The following MYO16 variants were observed in gnomAD, a reference collection of about 807,000 sequenced individuals.
The protein encoded by MYO16 is unconventional myosin-XVI.
In MYO16, 94 loss-of-function variants were observed where a neutral mutation model predicts 205.3. The observed-to-expected ratio is 0.46, with a 90% confidence interval of 0.39 to 0.54. The LOEUF is 0.54. MYO16 is among the 20% of genes least tolerant of loss of function. MYO16 has a pLI of 0.00. For missense variants in MYO16, 2,315 were observed against 2,387.5 expected (o/e 0.97, Z 0.63); for synonymous variants, 988 against 954.0 (o/e 1.04, Z -0.66).
In MYO16 at chr13:109,140,670, G is replaced by C; in HGVS notation, c.4458G>C (p.Pro1486=). The C allele has an allele frequency of 6.7e-6, 10 of 1,487,794 alleles. No individual in the cohort carries two copies. Among genetic ancestry groups the C allele is most frequent in the Non-Finnish European group, 8.9e-6 (10 of 1,122,766 alleles). 92.2% of individuals were successfully genotyped at this position (1,487,794 alleles called of 1,614,324 possible). The part of the protein sequence containing the change: ...GASPPLLHRA[P]EDEAAGPPGD... ...CGCCGCCCCTGCTCCACCGCGCGCCGGAGGACGAGGCGGCGGGGCCCCCAG... is the reference window on the plus strand; with the variant it reads ...CGCCGCCCCTGCTCCACCGCGCGCCCGAGGACGAGGCGGCGGGGCCCCCAG... Residue 1486 remains proline, a synonymous_variant, in exon 32 of 35, where the codon CCG becomes CCC. Coordinates refer to ENST00000457511, the MANE Select transcript of MYO16 (RefSeq NM_001198950.3). The surrounding 1 kb of genome is among the most constrained non-coding windows in gnomAD (Gnocchi z 8.0).
chr13:108,996,219 C>T (rs191135103), intron 21 of MYO16, among the ~76,000 whole-genome samples: 1 of 152,284 alleles, frequency 6.6e-6, no homozygotes, highest in Admixed American at 6.5e-5. Context: ...GTTCACATAG[C>T]TCAGCAGTAA....
At chr13:109,101,979 C>T (rs1888981350) in intron 28 of MYO16, 3 of 152,170 alleles carry the variant, frequency 2.0e-5, no homozygotes, top group South Asian at 2.1e-4. Context: ...TGGATTGACA[C>T]TCGCACACTC....
intron 21 of MYO16, among the ~76,000 whole-genome samples, chr13:109,000,883 G>C (rs1885189372): frequency 6.6e-6 from 1 of 151,806 alleles, no homozygotes; most frequent in South Asian, 2.1e-4. Flanking sequence ...ACTCCTTTTT[G>C]AAGACCAATT....
intron 2 of MYO16, among the ~76,000 whole-genome samples, chr13:108,683,046 A>C (rs1882529592): frequency 6.6e-6 from 1 of 152,118 alleles, no homozygotes; most frequent in Non-Finnish European, 1.5e-5. Context: ...CCTTACCCCC[A>C]TCTCAAAATA....
At chr13:108,662,513 G>A (rs1213719540) in intron 1 of MYO16, among the ~76,000 whole-genome samples, 1 of 152,092 alleles carries the variant, frequency 6.6e-6, no homozygotes, top group Non-Finnish European at 1.5e-5. Flanking sequence ...TGTGTACCTA[G>A]GAGGATTATG....
At chr13:108,852,178 C>T (rs1301954412) in intron 10 of MYO16, among the ~76,000 whole-genome samples, 6 of 152,206 alleles carry the variant, frequency 3.9e-5, no homozygotes, top group East Asian at 3.9e-4. Flanking sequence ...TTTCCCTTCA[C>T]GTACATTTTG....
intron 2 of MYO16, among the ~76,000 whole-genome samples, chr13:108,683,374 CGACA>C (rs1333670655): frequency 6.6e-6 from 1 of 151,834 alleles, no homozygotes; most frequent in East Asian, 1.9e-4. Flanking sequence ...TAGCCTTTGA[CGACA>C]GACAGTAAGA....
chr13:108,734,979 G>T (rs1884642344), intron 4 of MYO16, among the ~76,000 whole-genome samples: 1 of 152,130 alleles, frequency 6.6e-6, no homozygotes, highest in Admixed American at 6.5e-5. Context: ...GTAGGAGAAA[G>T]GTAGTTATTA....
the MYO16 span, among the ~76,000 whole-genome samples, chr13:108,552,889 G>C: frequency 6.6e-6 from 1 of 151,918 alleles, no homozygotes; most frequent in Non-Finnish European, 1.5e-5. Flanking sequence ...GGATGAGAGA[G>C]AGCTACAGGG....
intron 5 of MYO16, among the ~76,000 whole-genome samples, chr13:108,788,596 T>G (rs544032574): frequency 3.3e-4 from 50 of 152,314 alleles, no homozygotes; most frequent in African/African-American, 1.1e-3. Flanking sequence ...CACTGTCGTT[T>G]CTTCTTTCAA....
intron 21 of MYO16, among the ~76,000 whole-genome samples, chr13:109,003,359 G>T (rs1329255493): frequency 6.6e-6 from 1 of 152,094 alleles, no homozygotes; most frequent in African/African-American, 2.4e-5. Flanking sequence ...TTCAATAAAA[G>T]GTTCAGGTGT....
chr13:108,817,519 A>C, intron 7 of MYO16, among the ~76,000 whole-genome samples: 1 of 28,222 alleles, frequency 3.5e-5, no homozygotes, highest in East Asian at 7.9e-3. Context: ...CACTGACCAC[A>C]GTGGGACGGG....
At chr13:108,565,533 G>A in the MYO16 span, among the ~76,000 whole-genome samples, 1 of 152,056 alleles carries the variant, frequency 6.6e-6, no homozygotes, top group Non-Finnish European at 1.5e-5. Flanking sequence ...TTTGAATCCT[G>A]CATCTTTACT....
intron 22 of MYO16, among the ~76,000 whole-genome samples, chr13:109,019,346 T>C (rs78137457): frequency 0.017 from 2,568 of 152,250 alleles, 76 homozygotes; most frequent in African/African-American, 0.059. Context: ...GTCTCATCAT[T>C]GGTATGGAAT....
intron 29 of MYO16, among the ~76,000 whole-genome samples, chr13:109,124,209 C>G (rs952397976): frequency 4.6e-5 from 7 of 152,162 alleles, no homozygotes; most frequent in Non-Finnish European, 7.4e-5. Flanking sequence ...AAATATGCTT[C>G]CCTGTGACTT....
At chr13:109,041,528 AG>A (rs1195651772) in intron 23 of MYO16, among the ~76,000 whole-genome samples, 1 of 152,236 alleles carries the variant, frequency 6.6e-6, no homozygotes, top group East Asian at 1.9e-4. Flanking sequence ...ACACAGAAAT[AG>A]AACCACACAA....
chr13:108,800,479 T>C (rs1886938909), intron 6 of MYO16, among the ~76,000 whole-genome samples: 2 of 152,178 alleles, frequency 1.3e-5, no homozygotes. Context: ...AGTCTCGAGG[T>C]AGAGTTCAAA....
intron 3 of MYO16, among the ~76,000 whole-genome samples, chr13:108,726,356 T>G (rs989757259): frequency 3.3e-5 from 5 of 151,838 alleles, no homozygotes; most frequent in Non-Finnish European, 5.9e-5. Context: ...GTCAAGAGAT[T>G]GAGACCATCC....
intron 1 of MYO16, among the ~76,000 whole-genome samples, chr13:108,597,575 T>G (rs766875505): frequency 1.3e-5 from 2 of 152,202 alleles, no homozygotes; most frequent in Non-Finnish European, 2.9e-5. Context: ...TCAAAAACCC[T>G]TAAGCCTATA....
Sources: gnomAD v4.1 joint callset for allele counts (sites outside exome capture counted in the v4.1 genomes callset) on GRCh38, gnomAD v4.1.1 for gene constraint, Gnocchi (gnomAD v3.1) non-coding constraint, MANE v1.5 for transcripts, NCBI Gene and HGNC (gene_info 2026-07-23, HGNC 2026-07-21) for gene names.